Variants in ABCA8 observed in about 807,000 individuals in gnomAD.
The protein encoded by ABCA8 is ATP binding cassette subfamily A member 8, also known as ABC-type organic anion transporter ABCA8.
In ABCA8, 177 loss-of-function variants were observed where a neutral mutation model predicts 192.3. That is an observed-to-expected ratio of 0.92 (90% CI 0.81 to 1.04). The LOEUF (loss-of-function observed/expected upper bound fraction) is 1.04, where lower values mean the gene tolerates loss of function less well. Ranked by LOEUF, ABCA8 falls within the 50% of genes least tolerant of loss-of-function variation. The pLI is 0.00. For synonymous variants in ABCA8, 642 were observed against 690.2 expected (o/e 0.93, Z 1.09); for missense variants, 1,915 against 1,904.8 (o/e 1.01, Z -0.10).
chr17:68,877,863 G>T, intron 32 of ABCA8, 184 bp from the exon 33 acceptor site: 1 of 542,614 alleles, frequency 1.8e-6, no homozygotes, highest in Non-Finnish European at 3.0e-6. Flanking sequence ...GAAAATAAGT[G>T]TGTCCACAGC....
intron 3 of ABCA8, 35 bp downstream of exon 3, chr17:68,941,904 C>G: frequency 6.8e-7 from 1 of 1,469,198 alleles, no homozygotes; most frequent in Non-Finnish European, 9.5e-7. Flanking sequence ...ATTTTCCTAT[C>G]ATAAATAGAG....
intron 27 of ABCA8, 186 bp downstream of exon 27, chr17:68,885,010 A>G: frequency 3.1e-6 from 2 of 641,860 alleles, no homozygotes; most frequent in Non-Finnish European, 3.9e-6. Flanking sequence ...TCAGGACCAA[A>G]TTTTCCATTA....
chr17:68,876,277 G>T, intron 35 of ABCA8, 183 bp downstream of exon 35: 1 of 698,180 alleles, frequency 1.4e-6, no homozygotes, highest in South Asian at 2.0e-5. Context: ...AATAAGAAAT[G>T]GTTGTAAAAT....
At chr17:68,872,449 G>C in intron 37 of ABCA8, among the ~76,000 whole-genome samples, 1 of 109,578 alleles carries the variant, frequency 9.1e-6, no homozygotes, top group Non-Finnish European at 1.8e-5. Context: ...AGGGGGGAGG[G>C]ATAGCATCGG....
chr17:68,945,273 G>A (rs1489044862), intron 2 of ABCA8, among the ~76,000 whole-genome samples: 2 of 152,044 alleles, frequency 1.3e-5, no homozygotes, highest in South Asian at 2.1e-4. Flanking sequence ...GAATTTGAGC[G>A]TCGTCTTATA....
chr17:68,934,617 A>C (rs2068002459), intron 5 of ABCA8, among the ~76,000 whole-genome samples: 1 of 152,214 alleles, frequency 6.6e-6, no homozygotes, highest in Non-Finnish European at 1.5e-5. Flanking sequence ...TAATTATTCT[A>C]TGTCCTCTGG....
chr17:68,939,655 C>A (rs919350470), intron 4 of ABCA8, among the ~76,000 whole-genome samples: 1 of 152,044 alleles, frequency 6.6e-6, no homozygotes, highest in Non-Finnish European at 1.5e-5. Flanking sequence ...AGCTGTATAT[C>A]GGAGGGGCAG....
At chr17:68,950,267 C>T (rs752626434) in intron 1 of ABCA8, among the ~76,000 whole-genome samples, 6 of 152,074 alleles carry the variant, frequency 3.9e-5, no homozygotes, top group Non-Finnish European at 7.4e-5. Flanking sequence ...CCATACTGCC[C>T]GAAGTAATTT....
intron 32 of ABCA8, 66 bp from the exon 33 acceptor site, chr17:68,877,745 T>C: frequency 6.8e-7 from 1 of 1,472,974 alleles, no homozygotes; most frequent in Non-Finnish European, 9.1e-7. Context: ...TTCCATGACA[T>C]CATTCTCTTC....
chr17:68,918,316 C>T (rs951835785), intron 15 of ABCA8, 111 bp downstream of exon 15: 1 of 1,468,462 alleles, frequency 6.8e-7, no homozygotes, highest in Non-Finnish European at 9.2e-7. Flanking sequence ...ATTTAATGTT[C>T]TATTATGAAT....
intron 1 of ABCA8, among the ~76,000 whole-genome samples, chr17:68,953,404 A>G (rs2143836971): frequency 6.6e-6 from 1 of 152,318 alleles, no homozygotes; most frequent in East Asian, 1.9e-4. Context: ...CCATCATCTC[A>G]TTTATGGGAC....
intron 21 of ABCA8, among the ~76,000 whole-genome samples, chr17:68,895,728 G>A (rs979916787): frequency 6.6e-6 from 1 of 152,132 alleles, no homozygotes; most frequent in African/African-American, 2.4e-5. Context: ...TATCTTCACG[G>A]GAGGGGCTTC....
intron 1 of ABCA8, among the ~76,000 whole-genome samples, chr17:68,951,979 C>A (rs1339672271): frequency 6.6e-6 from 1 of 152,186 alleles, no homozygotes; most frequent in African/African-American, 2.4e-5. Context: ...TTGTCTACAT[C>A]TTTACCTTCT....
intron 32 of ABCA8, chr17:68,878,451 G>C (rs1318272806): frequency 1.3e-5 from 2 of 152,204 alleles, no homozygotes; most frequent in Non-Finnish European, 2.9e-5. Flanking sequence ...TCCTGCAGCT[G>C]CTTGCAAGAC....
At chr17:68,923,388 T>A (rs929062199) in intron 11 of ABCA8, among the ~76,000 whole-genome samples, 4 of 151,980 alleles carry the variant, frequency 2.6e-5, no homozygotes, top group East Asian at 1.9e-4. Flanking sequence ...TTAGTAGAGA[T>A]GGGGTTTTGC....
intron 21 of ABCA8, among the ~76,000 whole-genome samples, chr17:68,897,826 TA>T (rs986153972): frequency 1.3e-5 from 2 of 151,062 alleles, no homozygotes; most frequent in African/African-American, 4.9e-5. Flanking sequence ...ACAACAACAA[TA>T]AAAAAACAGA....
chr17:68,889,017 T>C (rs941402316), intron 24 of ABCA8, among the ~76,000 whole-genome samples: 3 of 152,200 alleles, frequency 2.0e-5, no homozygotes, highest in African/African-American at 7.2e-5. Context: ...CCAAAGAAAG[T>C]GTTCATGTTT....
intron 11 of ABCA8, among the ~76,000 whole-genome samples, 188 bp from the exon 12 acceptor site, chr17:68,922,488 G>A (rs578022161): frequency 3.3e-5 from 5 of 152,008 alleles, no homozygotes; most frequent in East Asian, 1.9e-4. Flanking sequence ...GCACATTGGC[G>A]TCATGTGAGG....
At chr17:68,902,610 C>T in intron 21 of ABCA8, 103 bp downstream of exon 21, 4 of 978,238 alleles carry the variant, frequency 4.1e-6, no homozygotes, top group East Asian at 5.4e-5. Flanking sequence ...TTTTTTAACA[C>T]ATGCTGAATA....
Sources: allele counts gnomAD v4.1 joint callset (sites outside exome capture counted in the v4.1 genomes callset), GRCh38; gene constraint gnomAD v4.1.1; transcripts MANE v1.5; gene names NCBI Gene and HGNC (gene_info 2026-07-23, HGNC 2026-07-21).